ZC3H3: variants seen among roughly 807,000 people sequenced by gnomAD.
ZC3H3 encodes the protein zinc finger CCCH domain-containing protein 3.
In ZC3H3, 36 loss-of-function variants were observed where a neutral mutation model predicts 77.3. The ratio of observed to expected loss-of-function variants is 0.47; its 90% confidence interval spans 0.36 to 0.61. The LOEUF (loss-of-function observed/expected upper bound fraction) is 0.61, where lower values mean the gene tolerates loss of function less well. Among genes scored for constraint, ZC3H3 ranks in the 20% least tolerant of loss-of-function variants. ZC3H3 has a pLI of 0.00. For missense variants in ZC3H3, 1,331 were observed against 1,312.2 expected (o/e 1.01, Z -0.22); for synonymous variants, 626 against 555.2 (o/e 1.13, Z -1.79).
chr8:143,491,443 C>T (rs553643502), intron 4 of ZC3H3, among the ~76,000 whole-genome samples: 1 of 152,382 alleles, frequency 6.6e-6, no homozygotes, highest in Admixed American at 6.5e-5. Context: ...GGGACAGGGA[C>T]AGCCATTCAC....
intron 9 of ZC3H3, among the ~76,000 whole-genome samples, chr8:143,464,385 T>C (rs1001748050): frequency 6.6e-6 from 1 of 152,216 alleles, no homozygotes. Context: ...CCGGAGGGGA[T>C]TGCCTGCCAG....
At chr8:143,496,515 C>A (rs1479789085) in intron 4 of ZC3H3, among the ~76,000 whole-genome samples, 2 of 152,208 alleles carry the variant, frequency 1.3e-5, no homozygotes, top group Non-Finnish European at 2.9e-5. Context: ...AATAACAGAG[C>A]AGATTACAGC....
chr8:143,519,106 A>G (rs1158002571), intron 3 of ZC3H3, among the ~76,000 whole-genome samples: 1 of 150,198 alleles, frequency 6.7e-6, no homozygotes, highest in Non-Finnish European at 1.5e-5. Flanking sequence ...AAGGTGACTC[A>G]CCGGCCTCTG....
In ZC3H3 at chr8:143,440,242, C is replaced by T. The variant is rs761197045; in HGVS notation, c.2614G>A (p.Ala872Thr). The change falls in exon 11 of 12, where the codon GCT (alanine) becomes ACT (threonine). Residue 872 changes from alanine (A) to threonine (T), a missense_variant. Ala to Thr is a moderately conservative substitution (Grantham distance 58, BLOSUM62 0). Coordinates refer to ENST00000262577, the MANE Select transcript of ZC3H3 (RefSeq NM_015117.3). ...GAGGAGGAGGAGGAGGAGGAGGAAG[C>T]CTTCGAGGATGAGGGAGAGGCTGAC... is the stretch of plus-strand genomic sequence containing the variant. The part of the protein sequence containing the change: ...GGSASPSSSK[A>T]SSSSSSSSSP... 1 of 1,590,112 alleles carries T rather than the reference C, an allele frequency of 6.3e-7. No homozygotes were observed. Among genetic ancestry groups the T allele is most frequent in the East Asian group, 2.2e-5 (1 of 44,488 alleles).
At chr8:143,476,231 G>T (rs1428562055) in intron 4 of ZC3H3, among the ~76,000 whole-genome samples, 1 of 152,194 alleles carries the variant, frequency 6.6e-6, no homozygotes, top group African/African-American at 2.4e-5. Flanking sequence ...TTCATCCACA[G>T]CTCAGAGAGC....
chr8:143,489,270 C>A (rs1266960378), intron 4 of ZC3H3, among the ~76,000 whole-genome samples: 2 of 151,688 alleles, frequency 1.3e-5, no homozygotes, highest in Non-Finnish European at 2.9e-5. Context: ...CTCTCCATGA[C>A]TGCTAGTACC....
At position 143,450,373 on chromosome 8, in the gene ZC3H3, G is replaced by GT. The variant is rs147728076; in HGVS notation, c.2308-9254dup. On this transcript the variant is annotated intron_variant, in intron 9 of 11. Transcript: ENST00000262577. ...TTCTTCTATTTTCAGTAGAGATGGGGTTTGGCCATGTTGGCCAGGCTGATC... is the reference window on the plus strand; with the variant it reads ...TTCTTCTATTTTCAGTAGAGATGGGGTTTTGGCCATGTTGGCCAGGCTGATC... Among the ~76,000 whole-genome samples the GT allele has an allele frequency of 2.3e-3, 352 of 152,310 alleles. 1 individual carries two copies. Among genetic ancestry groups the GT allele is most frequent in the African/African-American group, 8.0e-3 (334 of 41,576 alleles).
intron 4 of ZC3H3, among the ~76,000 whole-genome samples, chr8:143,503,268 T>C (rs1368414941): frequency 6.6e-6 from 1 of 152,184 alleles, no homozygotes. Context: ...GTTCTGCCCT[T>C]GGCATACAGG....
intron 4 of ZC3H3, among the ~76,000 whole-genome samples, chr8:143,503,025 G>T (rs896943): frequency 6.6e-6 from 1 of 152,194 alleles, no homozygotes; most frequent in African/African-American, 2.4e-5. Context: ...CAACAGCCCC[G>T]TCCTGTGTAT....
intron 4 of ZC3H3, among the ~76,000 whole-genome samples, chr8:143,505,124 C>T (rs1238468064): frequency 6.6e-6 from 1 of 152,220 alleles, no homozygotes; most frequent in Non-Finnish European, 1.5e-5. Flanking sequence ...ACCACCGTGG[C>T]TTCCAGGACT....
chr8:143,511,167 C>A (rs1257949796), intron 3 of ZC3H3, among the ~76,000 whole-genome samples: 1 of 152,232 alleles, frequency 6.6e-6, no homozygotes, highest in Non-Finnish European at 1.5e-5. Context: ...ACCTCGAGAG[C>A]CCTGCTGTGT....
At chr8:143,489,278 A>G (rs1821131889) in intron 4 of ZC3H3, among the ~76,000 whole-genome samples, 1 of 142,972 alleles carries the variant, frequency 7.0e-6, no homozygotes, top group South Asian at 2.4e-4. Context: ...GACTGCTAGT[A>G]CCCACTGGGC....
At chr8:143,481,089 T>C (rs1010864231) in intron 4 of ZC3H3, among the ~76,000 whole-genome samples, 2 of 152,214 alleles carry the variant, frequency 1.3e-5, no homozygotes, top group Non-Finnish European at 2.9e-5. Flanking sequence ...TGAGGCTCTG[T>C]GGCTTGTTCA....
chr8:143,540,119 G>C (rs1036612501), intron 1 of ZC3H3, among the ~76,000 whole-genome samples: 2 of 152,266 alleles, frequency 1.3e-5, no homozygotes, highest in Non-Finnish European at 2.9e-5. Flanking sequence ...CCCCAAGTGG[G>C]AGGCAGCCCA....
chr8:143,490,053 G>A (rs754436612), intron 4 of ZC3H3, among the ~76,000 whole-genome samples: 3 of 152,170 alleles, frequency 2.0e-5, no homozygotes, highest in Non-Finnish European at 2.9e-5. Flanking sequence ...AGACACCCGT[G>A]GTTCCTAAAC....
chr8:143,473,467 T>A (rs2129898602), intron 5 of ZC3H3, among the ~76,000 whole-genome samples: 1 of 152,276 alleles, frequency 6.6e-6, no homozygotes, highest in African/African-American at 2.4e-5. Flanking sequence ...AGAGGCAGCA[T>A]CCATGGGAGA....
chr8:143,538,146 G>A lies in ZC3H3; in HGVS notation c.1221C>T (p.Leu407=), dbSNP rs770214138. 3.1e-6 allele frequency: 5 copies of A among 1,613,000 alleles called. No homozygotes were observed. The highest frequency in any genetic ancestry group is 4.2e-6 in the Non-Finnish European group (5 of 1,180,032). ...EASSKDHASQ[L]SPVLSRSPSG... ...ACGGGGACCTAGACAGGACTGGGGA[G>A]AGCTGGGAGGCATGGTCCTTGCTGC... The change falls in exon 2 of 12, where the codon CTC becomes CTT. Residue 407 remains leucine (L), a synonymous_variant. Coordinates refer to ENST00000262577, the MANE Select transcript of ZC3H3 (RefSeq NM_015117.3).
intron 8 of ZC3H3, among the ~76,000 whole-genome samples, chr8:143,467,789 G>A (rs1161795617): frequency 2.4e-4 from 17 of 71,812 alleles, no homozygotes; most frequent in Non-Finnish European, 4.0e-4. Flanking sequence ...CCTCTGCCCA[G>A]GCAGCCTCTC....
chr8:143,520,828 G>C (rs569888723), intron 3 of ZC3H3, among the ~76,000 whole-genome samples: 3 of 152,188 alleles, frequency 2.0e-5, no homozygotes, highest in African/African-American at 7.2e-5. Flanking sequence ...GGCAGCTCAC[G>C]GTGCCCACTA....
Sources: allele counts gnomAD v4.1 joint callset (sites outside exome capture counted in the v4.1 genomes callset), GRCh38; gene constraint gnomAD v4.1.1; transcripts MANE v1.5; gene names NCBI Gene and HGNC (gene_info 2026-07-23, HGNC 2026-07-21).